AUTS2: variants seen among roughly 807,000 people sequenced by gnomAD.
AUTS2 encodes activator of transcription and developmental regulator AUTS2.
AUTS2 carries 17 observed loss-of-function variants against 112.4 expected under a neutral mutation model. That is an observed-to-expected ratio of 0.15 (90% CI 0.10 to 0.23). The LOEUF is 0.23. Among genes scored for constraint, AUTS2 ranks in the 10% least tolerant of loss-of-function variants. The probability of loss-of-function intolerance (pLI) is 1.00; values close to 1 mark genes in which losing one functional copy is unlikely to be tolerated. For synonymous variants in AUTS2, 751 were observed against 702.7 expected, an observed-to-expected ratio of 1.07 and a Z score of -1.09; for missense variants, 1,510 against 1,701.6, an observed-to-expected ratio of 0.89 and a Z score of 1.98.
chr7:70,263,295 A>G (rs979666092), intron 4 of AUTS2, among the ~76,000 whole-genome samples: 2 of 152,182 alleles, frequency 1.3e-5, no homozygotes, highest in Non-Finnish European at 2.9e-5. Flanking sequence ...AGTACATCTT[A>G]CGTTAAGTTT....
intron 6 of AUTS2, among the ~76,000 whole-genome samples, chr7:70,724,559 C>CCT (rs1434185457): frequency 1.3e-5 from 2 of 151,350 alleles, no homozygotes; most frequent in Non-Finnish European, 2.9e-5. Context: ...CATTCTCCTG[C>CCT]CTCAGCCTCC....
intron 4 of AUTS2, among the ~76,000 whole-genome samples, chr7:70,417,451 C>T (rs1022864444): frequency 2.0e-5 from 3 of 152,136 alleles, no homozygotes; most frequent in African/African-American, 4.8e-5. Context: ...CCAGGCGTAA[C>T]CCTTTAAGAT....
chr7:70,486,685 A>T (rs1798014731), intron 5 of AUTS2, among the ~76,000 whole-genome samples: 1 of 151,724 alleles, frequency 6.6e-6, no homozygotes, highest in Non-Finnish European at 1.5e-5. Context: ...CTTGAACCTA[A>T]TAGGCAGAGG....
intron 4 of AUTS2, among the ~76,000 whole-genome samples, chr7:70,374,297 G>A (rs1444952575): frequency 6.6e-6 from 1 of 152,092 alleles, no homozygotes; most frequent in Non-Finnish European, 1.5e-5. Flanking sequence ...TCAACATGAG[G>A]TTCTTTTAAA....
intron 5 of AUTS2, among the ~76,000 whole-genome samples, chr7:70,492,234 T>C (rs968962146): frequency 6.6e-6 from 1 of 152,104 alleles, no homozygotes; most frequent in Non-Finnish European, 1.5e-5. Context: ...TCCTCCAAAC[T>C]TCCAAGATTG....
At chr7:70,219,683 T>C (rs987971486) in intron 4 of AUTS2, among the ~76,000 whole-genome samples, 1 of 151,696 alleles carries the variant, frequency 6.6e-6, no homozygotes, top group African/African-American at 2.4e-5. Flanking sequence ...GCGATTCTCC[T>C]ACCGCAGCCT....
At chr7:70,527,446 T>C (rs902417099) in intron 5 of AUTS2, among the ~76,000 whole-genome samples, 1 of 152,140 alleles carries the variant, frequency 6.6e-6, no homozygotes, top group African/African-American at 2.4e-5. Flanking sequence ...CTCACCAGTT[T>C]TAAGTATAGA....
chr7:70,020,643 A>T (rs985461807), intron 2 of AUTS2, among the ~76,000 whole-genome samples: 2 of 152,030 alleles, frequency 1.3e-5, no homozygotes, highest in African/African-American at 2.4e-5. Context: ...CGCTCAGTAG[A>T]GGATGCTTTA....
At chr7:70,574,255 A>G (rs1802067610) in intron 5 of AUTS2, among the ~76,000 whole-genome samples, 1 of 152,176 alleles carries the variant, frequency 6.6e-6, no homozygotes, top group Non-Finnish European at 1.5e-5. Context: ...GCCAATCTCT[A>G]CTAACATCTG....
intron 2 of AUTS2, among the ~76,000 whole-genome samples, chr7:70,064,131 C>T (rs906868035): frequency 2.0e-5 from 3 of 152,136 alleles, no homozygotes; most frequent in South Asian, 2.1e-4. Flanking sequence ...ATCTGTGCTT[C>T]GCAGGCCACT....
chr7:70,495,398 C>A (rs962222226), intron 5 of AUTS2, among the ~76,000 whole-genome samples: 1 of 151,994 alleles, frequency 6.6e-6, no homozygotes. Context: ...GCAAGTATTC[C>A]CCTTATCTGT....
At chr7:70,183,456 T>C (rs1426290892) in intron 4 of AUTS2, among the ~76,000 whole-genome samples, 1 of 152,238 alleles carries the variant, frequency 6.6e-6, no homozygotes, top group Non-Finnish European at 1.5e-5. Context: ...ATCCTGGACT[T>C]CTCTTGCCTG....
rs540458827 is a variant in AUTS2 at position 70,790,264 on chromosome 7, G to A, written c.3048G>A (p.Pro1016=). The change falls in exon 19 of 19, where the codon CCG becomes CCA. Residue 1016 remains proline (P), a synonymous_variant. Coordinates refer to ENST00000342771, the MANE Select transcript of AUTS2 (RefSeq NM_015570.4). This position sits in a 1 kb window ranked among gnomAD's most constrained non-coding sequence, Gnocchi z 7.6. ...PPPNSSSSVH[P]GPLASMPMTV... ...CCAACTCCTCGTCCAGCGTGCACCC[G>A]GGGCCCCTGGCCTCGATGCCCATGA... 3.5e-5 allele frequency: 57 copies of A among 1,612,868 alleles called. No individual in the cohort carries two copies. The African/African-American group carries it at 3.7e-4, about 11-fold the overall frequency.
intron 1 of AUTS2, among the ~76,000 whole-genome samples, chr7:69,866,243 C>T (rs544170105): frequency 2.0e-5 from 3 of 152,280 alleles, no homozygotes; most frequent in African/African-American, 7.2e-5. Flanking sequence ...TCCAAACCTC[C>T]CAGTCCTGGT....
chr7:69,891,621 A>C (rs376144655), intron 1 of AUTS2, among the ~76,000 whole-genome samples: 5 of 151,324 alleles, frequency 3.3e-5, no homozygotes, highest in African/African-American at 1.2e-4. Flanking sequence ...CATCCTCTGC[A>C]TCCTTGCCCA....
At chr7:69,713,459 A>C (rs1268294479) in intron 1 of AUTS2, among the ~76,000 whole-genome samples, 1 of 145,882 alleles carries the variant, frequency 6.9e-6, no homozygotes, top group Admixed American at 6.9e-5. Context: ...TGCTTTCAAG[A>C]GTTTTTTTTT....
At chr7:70,001,990 C>T (rs374543754) in intron 2 of AUTS2, among the ~76,000 whole-genome samples, 22 of 152,220 alleles carry the variant, frequency 1.4e-4, no homozygotes, top group African/African-American at 3.6e-4. Flanking sequence ...AGATTACAGG[C>T]GTGAGCCACC....
chr7:70,278,896 A>G (rs994792123), intron 4 of AUTS2, among the ~76,000 whole-genome samples: 3 of 152,206 alleles, frequency 2.0e-5, no homozygotes, highest in African/African-American at 4.8e-5. Context: ...TGTTTTTTCT[A>G]CATTTCTACT....
intron 2 of AUTS2, among the ~76,000 whole-genome samples, chr7:70,101,003 G>A (rs1178933381): frequency 6.6e-6 from 1 of 151,900 alleles, no homozygotes; most frequent in Non-Finnish European, 1.5e-5. Context: ...TCTGCCTCCC[G>A]AGTAGCTGGG....
Sources: allele counts gnomAD v4.1 joint callset (sites outside exome capture counted in the v4.1 genomes callset), GRCh38; gene constraint gnomAD v4.1.1; non-coding constraint Gnocchi (gnomAD v3.1); transcripts MANE v1.5; gene names NCBI Gene and HGNC (gene_info 2026-07-23, HGNC 2026-07-21).